Variants in KCNH1 observed in about 807,000 individuals in gnomAD.
KCNH1 encodes the protein voltage-gated delayed rectifier potassium channel KCNH1.
In KCNH1, 27 loss-of-function variants were observed where a neutral mutation model predicts 69.2. That is an observed-to-expected ratio of 0.39 (90% CI 0.29 to 0.54). The LOEUF is 0.54. Among genes scored for constraint, KCNH1 ranks in the 20% least tolerant of loss-of-function variants. KCNH1 has a pLI of 0.68. For synonymous variants in KCNH1, 456 were observed against 487.7 expected (o/e 0.93, Z 0.86); for missense variants, 798 against 1,261.6 (o/e 0.63, Z 5.57).
chr1:210,922,398 A>C (rs1350546558), intron 6 of KCNH1, among the ~76,000 whole-genome samples: 1 of 29,010 alleles, frequency 3.4e-5, no homozygotes, highest in Non-Finnish European at 6.8e-5. Flanking sequence ...AAAAAAAAAA[A>C]AAAAAAAAAA....
At chr1:210,690,783 C>A (rs1681512148) in intron 10 of KCNH1, among the ~76,000 whole-genome samples, 1 of 152,222 alleles carries the variant, frequency 6.6e-6, no homozygotes, top group African/African-American at 2.4e-5. Flanking sequence ...GGGACCTAGG[C>A]CTGTTCGGCT....
intron 9 of KCNH1, among the ~76,000 whole-genome samples, chr1:210,787,083 A>G (rs1336441123): frequency 1.3e-5 from 2 of 151,778 alleles, no homozygotes; most frequent in African/African-American, 4.8e-5. Context: ...CTCAGTCCAA[A>G]TTCCCTAACA....
chr1:210,851,611 C>T (rs1286278696), intron 7 of KCNH1, among the ~76,000 whole-genome samples: 4 of 152,180 alleles, frequency 2.6e-5, no homozygotes, highest in African/African-American at 9.7e-5. Flanking sequence ...TTTAGGTGAT[C>T]CCATCCTTGT....
At chr1:211,010,986 T>C (rs1303083670) in intron 6 of KCNH1, among the ~76,000 whole-genome samples, 3 of 152,142 alleles carry the variant, frequency 2.0e-5, no homozygotes, top group Non-Finnish European at 4.4e-5. Flanking sequence ...TAAACTCTTT[T>C]TTTTTAATCA....
In KCNH1 at chr1:211,133,972, G is replaced by A; in HGVS notation, c.-27C>T. 6.3e-7 allele frequency: 1 copy of A among 1,594,730 alleles called. No individual in the cohort carries two copies. On this transcript the variant is annotated 5_prime_UTR_variant, in exon 1 of 11. Transcript: ENST00000271751. The surrounding 1 kb of genome is among the most constrained non-coding windows in gnomAD (Gnocchi z 5.4). ...CTCCCAGCAGCTCGGGGTCCGGCGG[G>A]CGTCCTGGCGCGGCTTCTTACGACA...
At chr1:211,063,020 C>G (rs1254407093) in intron 5 of KCNH1, among the ~76,000 whole-genome samples, 1 of 152,200 alleles carries the variant, frequency 6.6e-6, no homozygotes, top group African/African-American at 2.4e-5. Context: ...ATATTTATTA[C>G]AGCACTATTC....
chr1:211,029,147 T>C (rs1287843258), intron 5 of KCNH1, among the ~76,000 whole-genome samples: 3 of 116,756 alleles, frequency 2.6e-5, no homozygotes, highest in Admixed American at 1.1e-4. Context: ...CATGGCAACA[T>C]AGAGAGACCC....
chr1:210,789,986 C>T (rs1684181795), intron 9 of KCNH1, among the ~76,000 whole-genome samples: 1 of 151,994 alleles, frequency 6.6e-6, no homozygotes, highest in Non-Finnish European at 1.5e-5. Context: ...GATCACGGTG[C>T]ACTACAGCCT....
chr1:210,734,876 A>G (rs1682835804), intron 10 of KCNH1, among the ~76,000 whole-genome samples: 1 of 152,212 alleles, frequency 6.6e-6, no homozygotes, highest in Non-Finnish European at 1.5e-5. Flanking sequence ...AGTGTAAGCT[A>G]TTAATATTAG....
intron 5 of KCNH1, among the ~76,000 whole-genome samples, chr1:211,051,936 CTT>C (rs1690213591): frequency 6.6e-6 from 1 of 151,880 alleles, no homozygotes. Flanking sequence ...AAATCTCTCT[CTT>C]TGCACTACGT....
intron 1 of KCNH1, among the ~76,000 whole-genome samples, chr1:211,118,722 A>G (rs1306923500): frequency 6.6e-6 from 1 of 152,232 alleles, no homozygotes; most frequent in Non-Finnish European, 1.5e-5. Context: ...AAATCATTCC[A>G]AGTCTGCCAT....
At chr1:211,061,781 A>T (rs546553774) in intron 5 of KCNH1, among the ~76,000 whole-genome samples, 9 of 152,258 alleles carry the variant, frequency 5.9e-5, no homozygotes, top group African/African-American at 2.2e-4. Flanking sequence ...CTCTACAATG[A>T]AAGCTACAAA....
intron 10 of KCNH1, among the ~76,000 whole-genome samples, chr1:210,763,696 A>G (rs1212931856): frequency 2.0e-5 from 3 of 152,164 alleles, no homozygotes; most frequent in African/African-American, 7.2e-5. Context: ...ACTATTAAGC[A>G]CTATTTAAAT....
intron 6 of KCNH1, among the ~76,000 whole-genome samples, chr1:211,002,353 TAC>T (rs545388862): frequency 6.9e-6 from 1 of 144,994 alleles, no homozygotes. Context: ...TATATATATA[TAC>T]ACACACACAT....
At chr1:210,809,306 G>A (rs754013700) in intron 7 of KCNH1, among the ~76,000 whole-genome samples, 17 of 152,080 alleles carry the variant, frequency 1.1e-4, no homozygotes, top group Non-Finnish European at 1.6e-4. Context: ...AAAATGACAA[G>A]GTTCATAAAT....
chr1:211,058,907 C>T (rs1037518258), intron 5 of KCNH1, among the ~76,000 whole-genome samples: 3 of 152,062 alleles, frequency 2.0e-5, no homozygotes, highest in South Asian at 2.1e-4. Context: ...ATATTCCATG[C>T]AAATGGAAAC....
At chr1:210,719,520 T>C (rs1288089153) in intron 10 of KCNH1, among the ~76,000 whole-genome samples, 2 of 151,780 alleles carry the variant, frequency 1.3e-5, no homozygotes, top group Non-Finnish European at 2.9e-5. Context: ...ACAGGGAGGG[T>C]AGCATCACAC....
rs34391382 is a variant in KCNH1 at position 210,972,926 on chromosome 1, CA to C, written c.1032+45856del. Among the ~76,000 whole-genome samples the C allele has an allele frequency of 4.2e-3, 569 of 134,148 alleles. 3 individuals carry two copies. The highest frequency in any genetic ancestry group is 0.01 in the African/African-American group (372 of 36,514). 88.0% of individuals were successfully genotyped at this position (134,148 alleles called of 152,430 possible). A position where few individuals can be genotyped will look rare whatever the true frequency, so the allele number is the denominator to read the frequency against. On this transcript the variant is annotated intron_variant, in intron 6 of 10. Coordinates refer to ENST00000271751, the MANE Select transcript of KCNH1 (RefSeq NM_172362.3). Reference sequence around the variant, plus strand: ...TCCTTCCATTCACTACCAAACGTCTCAAAAAAAAAAAAAAAAGTAAAACTGG... The same window carrying C: ...TCCTTCCATTCACTACCAAACGTCTCAAAAAAAAAAAAAAAGTAAAACTGG...
At chr1:210,686,246 G>A (rs146306803) in intron 10 of KCNH1, among the ~76,000 whole-genome samples, 1 of 152,290 alleles carries the variant, frequency 6.6e-6, no homozygotes, top group African/African-American at 2.4e-5. Flanking sequence ...TTTTCACTCT[G>A]TGCTCTGAGT....
Sources: allele counts gnomAD v4.1 joint callset (sites outside exome capture counted in the v4.1 genomes callset), GRCh38; gene constraint gnomAD v4.1.1; non-coding constraint Gnocchi (gnomAD v3.1); transcripts MANE v1.5; gene names NCBI Gene and HGNC (gene_info 2026-07-23, HGNC 2026-07-21).